The following MAPK10 variants were observed in gnomAD, a reference collection of about 807,000 sequenced individuals.
MAPK10 encodes the protein mitogen-activated protein kinase 10.
In MAPK10, 25 loss-of-function variants were observed where a neutral mutation model predicts 59.3. That is an observed-to-expected ratio of 0.42 (90% CI 0.31 to 0.59). The LOEUF (loss-of-function observed/expected upper bound fraction) is 0.59, where lower values mean the gene tolerates loss of function less well. Ranked by LOEUF, MAPK10 falls within the 20% of genes least tolerant of loss-of-function variation. The probability of loss-of-function intolerance (pLI) is 0.15; values close to 1 mark genes in which losing one functional copy is unlikely to be tolerated. For synonymous variants in MAPK10, 190 were observed against 200.5 expected, an observed-to-expected ratio of 0.95 and a Z score of 0.44; for missense variants, 351 against 568.9, an observed-to-expected ratio of 0.62 and a Z score of 3.90.
In MAPK10 at chr4:86,017,450, G is replaced by T. The variant is rs1578557027; in HGVS notation, c.1253-80C>A. 2 of 1,496,238 alleles carry T rather than the reference G, an allele frequency of 1.3e-6. No individual in the cohort carries two copies. The allele number at this position is 1,496,238 out of a possible 1,614,324, so 92.7% of individuals were successfully genotyped here. A position where few individuals can be genotyped will look rare whatever the true frequency, so the allele number is the denominator to read the frequency against. On this transcript the variant is annotated intron_variant, in intron 13 of 13. Coordinates refer to ENST00000641462, the MANE Select transcript of MAPK10 (RefSeq NM_138982.4). The surrounding 1 kb of genome is among the most constrained non-coding windows in gnomAD (Gnocchi z 4.4). Reference sequence around the variant, plus strand: ...AATGCCATTCAGGATTCAGGGATGGGCAAATACAATAGGGGATGTCCAGTC... The same window carrying T: ...AATGCCATTCAGGATTCAGGGATGGTCAAATACAATAGGGGATGTCCAGTC...
At chr4:86,402,139 GAC>G (rs1309414197) in intron 1 of MAPK10, among the ~76,000 whole-genome samples, 1 of 151,858 alleles carries the variant, frequency 6.6e-6, no homozygotes, top group Non-Finnish European at 1.5e-5. Flanking sequence ...TTCACAGTAA[GAC>G]AATCTAAGTC....
Position 86,013,195 on chromosome 4 carries a change from A to C in MAPK10, c.*4033T>G, listed in dbSNP as rs1306323348. The C allele has an allele frequency of 1.3e-5, 2 of 152,176 alleles. No individual in the cohort carries two copies. The highest frequency in any genetic ancestry group is 2.9e-5 in the Non-Finnish European group (2 of 68,036). 9.4% of individuals were successfully genotyped at this position (152,176 alleles called of 1,614,324 possible). On this transcript the variant is annotated 3_prime_UTR_variant, in exon 14 of 14. Transcript: ENST00000641462. ...GACTAAGTACCAAAAGAAATAACAA[A>C]ATCTTATCCTCTAATCACAAAGAAA...
chr4:86,463,698 A>G (rs2149062494), intron 1 of MAPK10, among the ~76,000 whole-genome samples: 1 of 152,288 alleles, frequency 6.6e-6, no homozygotes, highest in African/African-American at 2.4e-5. Context: ...AAAAATTACT[A>G]GGGGACATTA....
intron 1 of MAPK10, among the ~76,000 whole-genome samples, chr4:86,567,824 G>A (rs1459575837): frequency 3.3e-5 from 5 of 152,256 alleles, no homozygotes; most frequent in Admixed American, 2.0e-4. Flanking sequence ...AAGGTTAGAT[G>A]CTCAAGAAGA....
intron 1 of MAPK10, among the ~76,000 whole-genome samples, chr4:86,458,800 G>A (rs1751466671): frequency 6.6e-6 from 1 of 152,170 alleles, no homozygotes; most frequent in Non-Finnish European, 1.5e-5. Context: ...TCCAAGACCT[G>A]AAACTAGAAA....
At chr4:86,382,296 C>A (rs549457346) in intron 1 of MAPK10, among the ~76,000 whole-genome samples, 2 of 152,190 alleles carry the variant, frequency 1.3e-5, no homozygotes, top group African/African-American at 4.8e-5. Context: ...CCCACACTGA[C>A]CTGGCACTGA....
At chr4:86,151,575 A>G (rs1368296293) in intron 4 of MAPK10, among the ~76,000 whole-genome samples, 1 of 152,168 alleles carries the variant, frequency 6.6e-6, no homozygotes, top group African/African-American at 2.4e-5. Context: ...CAAGGAGGTG[A>G]GAAAATAAAG....
At chr4:86,500,539 T>C (rs190427244) in intron 1 of MAPK10, among the ~76,000 whole-genome samples, 1 of 152,148 alleles carries the variant, frequency 6.6e-6, no homozygotes, top group Non-Finnish European at 1.5e-5. Flanking sequence ...TTGTTGTAAT[T>C]ACACCTATGC....
intron 1 of MAPK10, among the ~76,000 whole-genome samples, chr4:86,479,940 T>C (rs550297161): frequency 4.4e-4 from 67 of 152,186 alleles, no homozygotes; most frequent in South Asian, 8.3e-4. Flanking sequence ...CCCCTAATCC[T>C]GCTCGAAGCA....
chr4:86,557,751 T>C (rs1053249515), intron 1 of MAPK10, among the ~76,000 whole-genome samples: 1 of 152,052 alleles, frequency 6.6e-6, no homozygotes, highest in Non-Finnish European at 1.5e-5. Context: ...TCTGTTTTCA[T>C]ATTAGTCAGT....
chr4:86,102,061 C>A lies in MAPK10; in HGVS notation c.426-29G>T, dbSNP rs1580273108. 5.0e-6 allele frequency: 8 copies of A among 1,607,394 alleles called. No individual in the cohort carries two copies. In the African/African-American group the frequency reaches 9.4e-5, roughly 19 times the overall value. On this transcript the variant is annotated intron_variant, in intron 6 of 13. Coordinates refer to ENST00000641462, the MANE Select transcript of MAPK10 (RefSeq NM_138982.4). ...GAAGGGTGAATCCACAGTGTTAGTT[C>A]CAGATCACAAGATCTATGAAGTCCT... is the stretch of plus-strand genomic sequence containing the variant.
At chr4:86,279,793 C>T (rs1295502462) in intron 2 of MAPK10, among the ~76,000 whole-genome samples, 1 of 152,070 alleles carries the variant, frequency 6.6e-6, no homozygotes, top group Non-Finnish European at 1.5e-5. Flanking sequence ...TTCCTCACTC[C>T]AGCATTCTAG....
chr4:86,561,645 A>T (rs1565044733), intron 1 of MAPK10, among the ~76,000 whole-genome samples: 1 of 152,228 alleles, frequency 6.6e-6, no homozygotes, highest in Non-Finnish European at 1.5e-5. Context: ...AGAGAAGGTG[A>T]TTGAGTAATA....
At chr4:86,061,997 G>C (rs1335798473) in intron 11 of MAPK10, among the ~76,000 whole-genome samples, 4 of 152,144 alleles carry the variant, frequency 2.6e-5, no homozygotes, top group Admixed American at 6.6e-5. Flanking sequence ...TGCAATAACA[G>C]AGACATGAAT....
chr4:86,256,936 T>C (rs1474324306), intron 2 of MAPK10, among the ~76,000 whole-genome samples: 4 of 149,822 alleles, frequency 2.7e-5, no homozygotes, highest in Non-Finnish European at 5.9e-5. Context: ...GTATTTTTAG[T>C]GGAGACGGGG....
chr4:86,037,661 T>G (rs1421751062), intron 11 of MAPK10, among the ~76,000 whole-genome samples: 1 of 152,216 alleles, frequency 6.6e-6, no homozygotes, highest in Non-Finnish European at 1.5e-5. Context: ...GAAGTATCTT[T>G]TTCAACAGCA....
chr4:86,177,090 T>A (rs1013294570), intron 3 of MAPK10, among the ~76,000 whole-genome samples: 5 of 152,090 alleles, frequency 3.3e-5, no homozygotes, highest in Non-Finnish European at 4.4e-5. Context: ...ATAGTTTTTT[T>A]AAAAAGGGAT....
At chr4:86,041,142 C>T (rs2041431724) in intron 11 of MAPK10, among the ~76,000 whole-genome samples, 1 of 152,092 alleles carries the variant, frequency 6.6e-6, no homozygotes, top group Non-Finnish European at 1.5e-5. Flanking sequence ...AAGAAAAAAA[C>T]TACTAAGAAT....
intron 2 of MAPK10, among the ~76,000 whole-genome samples, chr4:86,196,721 C>T (rs930816379): frequency 6.6e-6 from 1 of 152,064 alleles, no homozygotes; most frequent in Non-Finnish European, 1.5e-5. Flanking sequence ...TAATCCATCT[C>T]GAGCTAATTT....
Sources: gnomAD v4.1 joint callset for allele counts (sites outside exome capture counted in the v4.1 genomes callset) on GRCh38, gnomAD v4.1.1 for gene constraint, Gnocchi (gnomAD v3.1) non-coding constraint, MANE v1.5 for transcripts, NCBI Gene and HGNC (gene_info 2026-07-23, HGNC 2026-07-21) for gene names.